ZNF730: variants seen among roughly 807,000 people sequenced by gnomAD.
The protein encoded by ZNF730 is zinc finger protein 730, also known as putative zinc finger protein 730.
A neutral mutation model predicts 12.6 loss-of-function variants in ZNF730; 12 were observed. The observed-to-expected ratio is 0.95, with a 90% CI of 0.61 to 1.54. The LOEUF is 1.54. Ranked by LOEUF, ZNF730 falls within the 40% of genes most tolerant of loss-of-function variation. The pLI is 0.00. For missense variants in ZNF730, 643 were observed against 583.5 expected, an observed-to-expected ratio of 1.10 and a Z score of -1.05; for synonymous variants, 194 against 195.8, an observed-to-expected ratio of 0.99 and a Z score of 0.08.
chr19:23,086,100 C>G (rs1415073685), intron 1 of ZNF730, among the ~76,000 whole-genome samples: 1 of 152,108 alleles, frequency 6.6e-6, no homozygotes, highest in Non-Finnish European at 1.5e-5. Flanking sequence ...GCCTTGGCCT[C>G]CCAAAGTGCT....
intron 3 of ZNF730, chr19:23,144,275 G>A (rs1013919705): frequency 2.6e-5 from 4 of 152,008 alleles, no homozygotes; most frequent in African/African-American, 9.7e-5. Flanking sequence ...TTATAATGTA[G>A]TTCTGTCCTG....
In ZNF730 at chr19:23,090,325, T is replaced by C. The variant is rs555494427; in HGVS notation, c.-94+14938T>C. On this transcript the variant is annotated intron_variant, in intron 1 of 2. Coordinates refer to the ZNF730 transcript ENST00000593635. ...GGAACCGAAGCAAAGGTGAGCCTTA[T>C]GTTTTAGCAAAGTGACTGGTGGCAT... 7.9e-5 allele frequency among the ~76,000 whole-genome samples: 12 copies of C among 152,234 alleles called. No homozygotes were observed. The South Asian group carries it at 2.5e-3, about 32-fold the overall frequency.
At chr19:23,122,132 CTTTTTTTTTTTT>C in intron 1 of ZNF730, among the ~76,000 whole-genome samples, 1 of 22,816 alleles carries the variant, frequency 4.4e-5, no homozygotes. Context: ...TTGTTTAAAG[CTTTTTTTTTTTT>C]TTTTTTTTTT....
chr19:23,091,270 C>T (rs1970155433), intron 1 of ZNF730, among the ~76,000 whole-genome samples: 4 of 152,284 alleles, frequency 2.6e-5, no homozygotes, highest in Middle Eastern at 6.8e-3. Context: ...TATGGCAACA[C>T]GTGGATATCC....
chr19:23,129,429 C>T (rs749362330), intron 1 of ZNF730, among the ~76,000 whole-genome samples: 1 of 152,064 alleles, frequency 6.6e-6, no homozygotes, highest in South Asian at 2.1e-4. Context: ...TGACCCAATG[C>T]GGGACATGGA....
chr19:23,123,736 T>TA (rs1312094625), intron 1 of ZNF730: 2 of 152,320 alleles, frequency 1.3e-5, no homozygotes, highest in African/African-American at 4.8e-5. Context: ...TGATCAGTCT[T>TA]ACATCTAATC....
intron 3 of ZNF730, among the ~76,000 whole-genome samples, chr19:23,139,878 G>A (rs1970888578): frequency 6.6e-6 from 1 of 152,070 alleles, no homozygotes; most frequent in African/African-American, 2.4e-5. Context: ...TTATGAGTAA[G>A]CATTTCTGTT....
Position 23,146,391 on chromosome 19 carries a change from G to C in ZNF730, c.1347G>C (p.Glu449Asp), listed in dbSNP as rs1971012343. ...LTTHKRIHTG[E>D]KPYECEECGK... ...CACATAAAAGAATTCATACTGGAGA[G>C]AAACCCTATGAATGTGAAGAATGTG... Residue 449 changes from glutamate (E) to aspartate (D), a missense_variant, in exon 4 of 4, where the codon GAG (glutamate) becomes GAC (aspartate). Transcript: ENST00000597761. 3 of 1,611,260 alleles carry C rather than the reference G, an allele frequency of 1.9e-6. No individual in the cohort carries two copies. Among genetic ancestry groups the C allele is most frequent in the Non-Finnish European group, 2.5e-6 (3 of 1,179,294 alleles).
At chr19:23,079,168 T>G (rs1464231242) in intron 1 of ZNF730, among the ~76,000 whole-genome samples, 1 of 152,040 alleles carries the variant, frequency 6.6e-6, no homozygotes, top group Non-Finnish European at 1.5e-5. Context: ...TTTTCTAGGT[T>G]TTCAATAAGG....
chr19:23,118,553 A>ATGAAG (rs1215594856), intron 1 of ZNF730, among the ~76,000 whole-genome samples: 2 of 152,154 alleles, frequency 1.3e-5, no homozygotes, highest in East Asian at 3.9e-4. Context: ...AACAAGAGGT[A>ATGAAG]TGAAGTGTAG....
At chr19:23,125,255 A>G (rs1416151598) in intron 1 of ZNF730, among the ~76,000 whole-genome samples, 1 of 152,184 alleles carries the variant, frequency 6.6e-6, no homozygotes, top group Non-Finnish European at 1.5e-5. Context: ...AATTGTTACC[A>G]GTAGAGCCGG....
upstream of ZNF730, chr19:23,116,838 AG>A: frequency 2.1e-6 from 1 of 468,930 alleles, no homozygotes; most frequent in Non-Finnish European, 3.8e-6. Flanking sequence ...TCAGGGAGGA[AG>A]TCCTGCCCGA....
In ZNF730 at chr19:23,117,044, G is replaced by T. The variant is rs1271832130; in HGVS notation, c.-130G>T. 8.8e-6 allele frequency: 12 copies of T among 1,356,936 alleles called. No individual in the cohort carries two copies. In the Admixed American group the frequency reaches 2.8e-4, roughly 32 times the overall value. 84.1% of individuals were successfully genotyped at this position (1,356,936 alleles called of 1,614,324 possible). A position where few individuals can be genotyped will look rare whatever the true frequency, so the allele number is the denominator to read the frequency against. ...GGCGCGGCCTTTGTTTCTCGCTGCC[G>T]CCGAAGCTCCAATTTTCGTCTGTCT... is the stretch of plus-strand genomic sequence containing the variant. On this transcript the variant is annotated 5_prime_UTR_variant, in exon 1 of 4. Transcript: ENST00000597761.
At chr19:23,118,616 CTT>C (rs894058207) in intron 1 of ZNF730, among the ~76,000 whole-genome samples, 9 of 152,172 alleles carry the variant, frequency 5.9e-5, no homozygotes, top group Non-Finnish European at 8.8e-5. Flanking sequence ...CTCCTGGTGT[CTT>C]TGAAAAGCTA....
chr19:23,142,130 A>G (rs996218687), intron 3 of ZNF730, among the ~76,000 whole-genome samples: 17 of 152,192 alleles, frequency 1.1e-4, no homozygotes, highest in African/African-American at 3.9e-4. Flanking sequence ...GAATAAATCT[A>G]TAATTTTTTG....
chr19:23,078,546 C>T (rs1401569903), intron 1 of ZNF730, among the ~76,000 whole-genome samples: 2 of 152,122 alleles, frequency 1.3e-5, no homozygotes, highest in African/African-American at 4.8e-5. Context: ...CCCTATTGTC[C>T]TGGAACATCC....
chr19:23,084,334 A>T (rs1970019950), intron 1 of ZNF730, among the ~76,000 whole-genome samples: 1 of 152,182 alleles, frequency 6.6e-6, no homozygotes, highest in Non-Finnish European at 1.5e-5. Context: ...GCAAATTTTG[A>T]AGTCAGATAT....
intron 3 of ZNF730, 135 bp from the exon 4 acceptor site, chr19:23,145,136 G>A (rs1970983580): frequency 1.6e-6 from 1 of 616,664 alleles, no homozygotes; most frequent in Admixed American, 3.7e-5. Flanking sequence ...ACATTTATAT[G>A]TTTATGAAGA....
chr19:23,093,027 G>A (rs1970183006), intron 1 of ZNF730, among the ~76,000 whole-genome samples: 2 of 152,054 alleles, frequency 1.3e-5, no homozygotes, highest in Admixed American at 1.3e-4. Context: ...CAAAACTCTT[G>A]TCACCCAGGC....
Sources: allele counts gnomAD v4.1 joint callset (sites outside exome capture counted in the v4.1 genomes callset), GRCh38; gene constraint gnomAD v4.1.1; transcripts MANE v1.5; gene names NCBI Gene and HGNC (gene_info 2026-07-23, HGNC 2026-07-21).